The following CDC42 variants were observed in gnomAD, a reference collection of about 807,000 sequenced individuals.
CDC42 encodes cell division control protein 42 homolog.
CDC42 carries 1 observed loss-of-function variant against 20.8 expected under a neutral mutation model. That is an observed-to-expected ratio of 0.05 (90% confidence interval 0.02 to 0.23). CDC42 has a LOEUF of 0.23. Ranked by LOEUF, CDC42 falls within the 10% of genes least tolerant of loss-of-function variation. The probability of loss-of-function intolerance (pLI) is 1.00; values close to 1 mark genes in which losing one functional copy is unlikely to be tolerated. For missense variants in CDC42, 49 were observed against 227.9 expected, an observed-to-expected ratio of 0.21 and a Z score of 5.05; for synonymous variants, 72 against 84.8, an observed-to-expected ratio of 0.85 and a Z score of 0.83.
chr1:22,059,987 T>G (rs1645345610), intron 1 of CDC42, among the ~76,000 whole-genome samples: 1 of 152,220 alleles, frequency 6.6e-6, no homozygotes, highest in Non-Finnish European at 1.5e-5. Context: ...GTTTATTACC[T>G]GTGTCCATTC....
intron 5 of CDC42, chr1:22,089,801 A>G (rs1645697402): frequency 2.5e-6 from 2 of 790,044 alleles, no homozygotes; most frequent in African/African-American, 3.4e-5. Context: ...TAATGGGCTT[A>G]AGATCTAGCA....
At chr1:22,075,758 A>G (rs1007110439) in intron 1 of CDC42, among the ~76,000 whole-genome samples, 2 of 152,332 alleles carry the variant, frequency 1.3e-5, no homozygotes, top group East Asian at 3.9e-4. Context: ...ACCAAGCTAC[A>G]CAGAGGTTGA....
chr1:22,070,397 T>G (rs1464709713), intron 1 of CDC42, among the ~76,000 whole-genome samples: 1 of 151,760 alleles, frequency 6.6e-6, no homozygotes, highest in Non-Finnish European at 1.5e-5. Context: ...TTCTCAGCAT[T>G]CCACAAGTTA....
chr1:22,080,399 G>C lies in CDC42; in HGVS notation c.106-1323G>C, dbSNP rs147465800. On this transcript the variant is annotated intron_variant, in intron 2 of 5. Coordinates refer to ENST00000656825, the MANE Select transcript of CDC42 (RefSeq NM_001791.4). ...TTCTTTGTTCCTGTTTTTAAGAACC[G>C]ACTTTCCTTTAACTGTCATCTCCCT... Among the ~76,000 whole-genome samples the C allele has an allele frequency of 2.4e-4, 37 of 152,212 alleles. No individual in the cohort carries two copies. In the East Asian group the frequency reaches 7.1e-3, roughly 29 times the overall value.
At chr1:22,053,833 T>C (rs1645265622) in intron 1 of CDC42, among the ~76,000 whole-genome samples, 1 of 152,170 alleles carries the variant, frequency 6.6e-6, no homozygotes, top group Non-Finnish European at 1.5e-5. Context: ...GCTAGGAAGG[T>C]TTAAAATCCC....
At chr1:22,088,853 T>C (rs1158215675) in intron 5 of CDC42, among the ~76,000 whole-genome samples, 1 of 152,232 alleles carries the variant, frequency 6.6e-6, no homozygotes, top group African/African-American at 2.4e-5. Context: ...TATGTGGCAT[T>C]TCTACTTTGT....
At chr1:22,084,335 G>GTTT (rs61584354) in intron 3 of CDC42, among the ~76,000 whole-genome samples, 2,533 of 80,404 alleles carry the variant, frequency 0.032, 158 homozygotes, top group South Asian at 0.049. Flanking sequence ...CTTATTTCCT[G>GTTT]TTTTTTTTTT....
At chr1:22,082,893 T>TTG (rs1645623135) in intron 3 of CDC42, among the ~76,000 whole-genome samples, 1 of 151,212 alleles carries the variant, frequency 6.6e-6, no homozygotes, top group African/African-American at 2.4e-5. Context: ...TTTTTTTTTT[T>TTG]GTTGAGATGG....
rs2124070927 is a variant in CDC42, at chr1:22,099,802, G to A, written c.*8285G>A. Among the ~76,000 whole-genome samples, 1 of 152,092 alleles carries A rather than the reference G, an allele frequency of 6.6e-6. No individual in the cohort carries two copies. Among genetic ancestry groups the A allele is most frequent in the South Asian group, 2.1e-4 (1 of 4,818 alleles). ...AATTTGAGTGTTTATTCTCTACATG[G>A]CACTCTTTTAAGCCTTTGTGTGAAT... On this transcript the variant is annotated 3_prime_UTR_variant, in exon 6 of 6. Coordinates refer to ENST00000656825, the MANE Select transcript of CDC42 (RefSeq NM_001791.4).
In CDC42 at chr1:22,093,677, A is replaced by T. The variant is rs529803924; in HGVS notation, c.*2160A>T. Among the ~76,000 whole-genome samples the T allele has an allele frequency of 3.2e-4, 48 of 152,322 alleles. No homozygotes were observed. Among genetic ancestry groups the T allele is most frequent in the Middle Eastern group, 3.4e-3 (1 of 294 alleles). On this transcript the variant is annotated 3_prime_UTR_variant, in exon 6 of 6. Coordinates refer to ENST00000656825, the MANE Select transcript of CDC42 (RefSeq NM_001791.4). ...TTGAGAAGGGGTTAGGAAGAGGCAG[A>T]TGTAAGCTTTAACAGTTCTAACCAA...
At position 22,093,796 on chromosome 1, in the gene CDC42, T is replaced by A. The variant is rs773456259; in HGVS notation, c.*2279T>A. ...AAAGCAGGGACATATGTATCCTTAG[T>A]GTAGTCAGGGGCGTATAGGTCCTTG... On this transcript the variant is annotated 3_prime_UTR_variant, in exon 6 of 6. Coordinates refer to ENST00000656825, the MANE Select transcript of CDC42 (RefSeq NM_001791.4). 1.3e-5 allele frequency among the ~76,000 whole-genome samples: 2 copies of A among 152,214 alleles called. No individual in the cohort carries two copies. Among genetic ancestry groups the A allele is most frequent in the African/African-American group, 2.4e-5 (1 of 41,454 alleles).
intron 1 of CDC42, among the ~76,000 whole-genome samples, chr1:22,075,413 A>G (rs1162494611): frequency 6.6e-6 from 1 of 152,174 alleles, no homozygotes; most frequent in Non-Finnish European, 1.5e-5. Context: ...CAAGGATACA[A>G]CAATCCTGGA....
At chr1:22,081,118 G>A (rs1005730093) in intron 2 of CDC42, among the ~76,000 whole-genome samples, 3 of 152,232 alleles carry the variant, frequency 2.0e-5, no homozygotes, top group African/African-American at 4.8e-5. Context: ...GCAGTGAGCC[G>A]AGACCATGCC....
rs202038617 is a variant in CDC42, at chr1:22,065,775, GC to G, written c.-50-12653del. On this transcript the variant is annotated intron_variant, in intron 1 of 5. Coordinates refer to ENST00000656825, the MANE Select transcript of CDC42 (RefSeq NM_001791.4). ...TAAAAATCTCGTCTTTTTTTGGGGG[GC>G]GGGGGAGGGGTCAGAGTCTCTGTCA... Among the ~76,000 whole-genome samples, 259 of 151,092 alleles carry G rather than the reference GC, an allele frequency of 1.7e-3. 1 individual carries two copies. Among genetic ancestry groups the G allele is most frequent in the Middle Eastern group, 6.8e-3 (2 of 294 alleles).
In CDC42 at chr1:22,093,346, G is replaced by A. The variant is rs1046839738; in HGVS notation, c.*1829G>A. Among the ~76,000 whole-genome samples, 1 of 152,140 alleles carries A rather than the reference G, an allele frequency of 6.6e-6. No individual in the cohort carries two copies. Among genetic ancestry groups the A allele is most frequent in the African/African-American group, 2.4e-5 (1 of 41,434 alleles). Reference sequence around the variant, plus strand: ...GCAGCTTGAACAATGTGATTTTTAAGTTTTCCAGGCATTTCTAAAATGTAG... The same window carrying A: ...GCAGCTTGAACAATGTGATTTTTAAATTTTCCAGGCATTTCTAAAATGTAG... On this transcript the variant is annotated 3_prime_UTR_variant, in exon 6 of 6. Coordinates refer to ENST00000656825, the MANE Select transcript of CDC42 (RefSeq NM_001791.4).
intron 1 of CDC42, among the ~76,000 whole-genome samples, chr1:22,076,926 A>G (rs1645557947): frequency 6.6e-6 from 1 of 152,106 alleles, no homozygotes; most frequent in Non-Finnish European, 1.5e-5. Flanking sequence ...AGGTGAGTGG[A>G]TTGCTTGAGT....
intron 1 of CDC42, among the ~76,000 whole-genome samples, chr1:22,058,581 C>T (rs1313114710): frequency 1.3e-5 from 2 of 151,278 alleles, no homozygotes; most frequent in African/African-American, 4.9e-5. Context: ...CTCCCGGGTT[C>T]AAGTGATTCT....
chr1:22,065,690 C>T (rs979630779), intron 1 of CDC42, among the ~76,000 whole-genome samples: 1 of 148,744 alleles, frequency 6.7e-6, no homozygotes, highest in Non-Finnish European at 1.5e-5. Flanking sequence ...AGTGAAGTAA[C>T]TTGCCAGGAT....
chr1:22,098,937 T>C lies in CDC42; in HGVS notation c.*7420T>C, dbSNP rs142388365. ...CCACGCCTGGCTCATTTTTGCATTT[T>C]GTGTAGAGAGGGGGTTTTGCCATTT... is the stretch of plus-strand genomic sequence containing the variant. On this transcript the variant is annotated 3_prime_UTR_variant, in exon 6 of 6. Transcript: ENST00000656825. Among the ~76,000 whole-genome samples, 18 of 152,238 alleles carry C rather than the reference T, an allele frequency of 1.2e-4. No homozygotes were observed. In the East Asian group the frequency reaches 3.5e-3, roughly 29 times the overall value.
Sources: gnomAD v4.1 joint callset for allele counts (sites outside exome capture counted in the v4.1 genomes callset) on GRCh38, gnomAD v4.1.1 for gene constraint, MANE v1.5 for transcripts, NCBI Gene and HGNC (gene_info 2026-07-23, HGNC 2026-07-21) for gene names.